The following SSBP2 variants were observed in gnomAD, a reference collection of about 807,000 sequenced individuals.
The protein encoded by SSBP2 is single-stranded DNA-binding protein 2.
SSBP2 carries 17 observed loss-of-function variants against 61.8 expected under a neutral mutation model. That is an observed-to-expected ratio of 0.28 (90% CI 0.19 to 0.41). SSBP2 has a LOEUF of 0.41. SSBP2 is among the 10% of genes least tolerant of loss of function. SSBP2 has a pLI of 1.00. For missense variants in SSBP2, 310 were observed against 458.7 expected (o/e 0.68, Z 2.96); for synonymous variants, 139 against 141.3 (o/e 0.98, Z 0.12).
chr5:81,510,675 C>G (rs556490000), intron 5 of SSBP2, among the ~76,000 whole-genome samples: 1 of 151,926 alleles, frequency 6.6e-6, no homozygotes, highest in African/African-American at 2.4e-5. Context: ...GCAGGAGACT[C>G]GCTTGAACCC....
intron 1 of SSBP2, among the ~76,000 whole-genome samples, chr5:81,702,696 A>G (rs1350748199): frequency 2.0e-5 from 3 of 151,968 alleles, no homozygotes; most frequent in African/African-American, 7.2e-5. Flanking sequence ...GAGAATCCAA[A>G]TGCCAGTTTA....
chr5:81,681,623 A>C (rs1206623685), intron 1 of SSBP2, among the ~76,000 whole-genome samples: 1 of 152,020 alleles, frequency 6.6e-6, no homozygotes, highest in African/African-American at 2.4e-5. Context: ...ATATTAGAAA[A>C]TAAGAAACTT....
intron 12 of SSBP2, among the ~76,000 whole-genome samples, chr5:81,443,621 G>A (rs1340448589): frequency 1.3e-5 from 2 of 152,126 alleles, no homozygotes; most frequent in Admixed American, 6.5e-5. Flanking sequence ...GGAGTGCAGT[G>A]GCACAATCTT....
In SSBP2 at chr5:81,543,186, G is replaced by A. The variant is rs902795865; in HGVS notation, c.283-29469C>T. Among the ~76,000 whole-genome samples, 12 of 152,188 alleles carry A rather than the reference G, an allele frequency of 7.9e-5. No homozygotes were observed. In the East Asian group the frequency reaches 2.3e-3, roughly 29 times the overall value. The stretch of plus-strand genomic sequence containing the variant: ...CTTATACTCTCTCCTACAGCCTTGT[G>A]AAGAAGGTGCCTACTTCCCCTTCCA... On this transcript the variant is annotated intron_variant, in intron 4 of 16. Transcript: ENST00000320672.
At chr5:81,556,975 C>T (rs866032464) in intron 4 of SSBP2, among the ~76,000 whole-genome samples, 44 of 152,102 alleles carry the variant, frequency 2.9e-4, no homozygotes, top group Admixed American at 2.0e-3. Context: ...TTTGTGATGA[C>T]ACAGTCTCTG....
chr5:81,581,515 C>T (rs553649271), intron 4 of SSBP2, among the ~76,000 whole-genome samples: 1 of 152,084 alleles, frequency 6.6e-6, no homozygotes, highest in Non-Finnish European at 1.5e-5. Flanking sequence ...CCATTTCAAC[C>T]TTTTAAAAAC....
At chr5:81,534,862 G>T (rs116621031) in intron 4 of SSBP2, among the ~76,000 whole-genome samples, 2,350 of 151,928 alleles carry the variant, frequency 0.015, 23 homozygotes, top group Middle Eastern at 0.031. Flanking sequence ...ACATTAAGTG[G>T]GACAAATGCT....
intron 12 of SSBP2, among the ~76,000 whole-genome samples, chr5:81,444,674 C>A (rs894057359): frequency 4.6e-5 from 7 of 152,132 alleles, no homozygotes; most frequent in African/African-American, 7.2e-5. Context: ...CATAGGAAAT[C>A]TTCAAATGGT....
At chr5:81,491,795 T>C (rs541031871) in intron 5 of SSBP2, among the ~76,000 whole-genome samples, 1 of 152,332 alleles carries the variant, frequency 6.6e-6, no homozygotes, top group Admixed American at 6.5e-5. Context: ...AATCGGTTAA[T>C]ATAGCTAAAA....
intron 1 of SSBP2, among the ~76,000 whole-genome samples, chr5:81,746,218 G>GC (rs1554123546): frequency 3.3e-5 from 5 of 151,874 alleles, no homozygotes; most frequent in Non-Finnish European, 5.9e-5. Flanking sequence ...AAAAATAGGG[G>GC]TTTTTTTGAT....
At chr5:81,609,819 C>G (rs28546170) in intron 4 of SSBP2, among the ~76,000 whole-genome samples, 7,797 of 152,188 alleles carry the variant, frequency 0.051, 378 homozygotes, top group African/African-American at 0.12. Context: ...TCAGTGGTGT[C>G]TTTGTTTTAA....
chr5:81,590,042 A>G (rs1775377507), intron 4 of SSBP2, among the ~76,000 whole-genome samples: 1 of 151,996 alleles, frequency 6.6e-6, no homozygotes, highest in African/African-American at 2.4e-5. Flanking sequence ...ATCAAATCAT[A>G]CCACACCAGG....
chr5:81,577,102 T>C (rs1034499985), intron 4 of SSBP2, among the ~76,000 whole-genome samples: 1 of 152,070 alleles, frequency 6.6e-6, no homozygotes, highest in East Asian at 1.9e-4. Context: ...TTATGCTACA[T>C]GTATTTTTAT....
Position 81,600,679 on chromosome 5 carries a change from T to G in SSBP2, c.282+14794A>C, listed in dbSNP as rs114933985. ...ATCATAAGAAAAAAATGTAAAGAAC[T>G]GAATACCTAAGATAAATGAAAAAAA... On this transcript the variant is annotated intron_variant, in intron 4 of 16. Transcript: ENST00000320672. Among the ~76,000 whole-genome samples the G allele has an allele frequency of 4.5e-3, 686 of 151,414 alleles. 6 individuals are homozygous for G. The highest frequency in any genetic ancestry group is 0.016 in the African/African-American group (648 of 41,298).
At chr5:81,528,654 C>G (rs1300256304) in intron 4 of SSBP2, among the ~76,000 whole-genome samples, 1 of 152,024 alleles carries the variant, frequency 6.6e-6, no homozygotes, top group East Asian at 1.9e-4. Flanking sequence ...GAAAATGGAG[C>G]CATAAAATAA....
intron 3 of SSBP2, among the ~76,000 whole-genome samples, chr5:81,629,793 A>G (rs1402390589): frequency 2.6e-5 from 4 of 152,348 alleles, no homozygotes; most frequent in South Asian, 2.1e-4. Context: ...ATGATTACCA[A>G]AATCAAGCTA....
chr5:81,662,456 A>C (rs1350998546), intron 1 of SSBP2, among the ~76,000 whole-genome samples: 1 of 151,994 alleles, frequency 6.6e-6, no homozygotes, highest in Non-Finnish European at 1.5e-5. Flanking sequence ...AACAAGAGCA[A>C]AACTCCGTCT....
intron 3 of SSBP2, among the ~76,000 whole-genome samples, chr5:81,634,318 T>G (rs149429982): frequency 6.6e-6 from 1 of 152,168 alleles, no homozygotes; most frequent in Non-Finnish European, 1.5e-5. Flanking sequence ...AATCAGAAAA[T>G]TTTTAAATCT....
intron 1 of SSBP2, among the ~76,000 whole-genome samples, chr5:81,732,287 G>A (rs1336728844): frequency 6.6e-6 from 1 of 151,930 alleles, no homozygotes; most frequent in African/African-American, 2.4e-5. Context: ...TCTATAATAT[G>A]AATAAATCAA....
Sources: allele counts gnomAD v4.1 joint callset (sites outside exome capture counted in the v4.1 genomes callset), GRCh38; gene constraint gnomAD v4.1.1; transcripts MANE v1.5; gene names NCBI Gene and HGNC (gene_info 2026-07-23, HGNC 2026-07-21).